Variants in OSBPL9 observed in about 807,000 individuals in gnomAD.
OSBPL9 encodes oxysterol binding protein like 9, also known as oxysterol-binding protein-related protein 9.
Under a neutral mutation model 106.6 loss-of-function variants are expected in OSBPL9, and 40 were observed. The ratio of observed to expected loss-of-function variants is 0.38; its 90% CI spans 0.29 to 0.49. The LOEUF is 0.49. Ranked by LOEUF, OSBPL9 falls within the 20% of genes least tolerant of loss-of-function variation. The pLI, the probability that OSBPL9 is intolerant of heterozygous loss-of-function variation, is 0.97. For missense variants in OSBPL9, 609 were observed against 887.2 expected, an observed-to-expected ratio of 0.69 and a Z score of 3.98; for synonymous variants, 269 against 295.4, an observed-to-expected ratio of 0.91 and a Z score of 0.92.
intron 12 of OSBPL9, 90 bp from the exon 13 acceptor site, chr1:51,771,980 T>C: frequency 1.2e-6 from 1 of 845,552 alleles, no homozygotes; most frequent in Non-Finnish European, 1.9e-6. Context: ...TATATATGCA[T>C]GCATGTAACC....
At chr1:51,594,606 A>G (rs923454459) in intron 1 of OSBPL9, among the ~76,000 whole-genome samples, 2 of 152,132 alleles carry the variant, frequency 1.3e-5, no homozygotes, top group African/African-American at 4.8e-5. Context: ...CACCTTACCT[A>G]ATTTAACACT....
At chr1:51,647,356 A>G (rs4330959) in intron 1 of OSBPL9, among the ~76,000 whole-genome samples, 1,814 of 152,246 alleles carry the variant, frequency 0.012, 37 homozygotes, top group African/African-American at 0.042. Flanking sequence ...GTCCATCTAT[A>G]TTAGAAACAG....
intron 2 of OSBPL9, among the ~76,000 whole-genome samples, chr1:51,610,244 T>TTTG (rs113181959): frequency 0.039 from 5,854 of 150,996 alleles, 149 homozygotes; most frequent in Middle Eastern, 0.099. Context: ...GGAACTGATA[T>TTTG]TTGTTGTTGT....
chr1:51,734,105 C>T (rs1416094140), intron 4 of OSBPL9, among the ~76,000 whole-genome samples: 2 of 152,156 alleles, frequency 1.3e-5, no homozygotes, highest in Non-Finnish European at 2.9e-5. Flanking sequence ...ATATATGTGT[C>T]ATGAATGAAT....
At chr1:51,566,577 T>A in the OSBPL9 span, 4 of 152,328 alleles carry the variant, frequency 2.6e-5, no homozygotes, top group African/African-American at 9.6e-5. Flanking sequence ...CAGTTCCATT[T>A]TGAACATCTT....
chr1:51,650,436 G>T (rs575333601), intron 1 of OSBPL9, among the ~76,000 whole-genome samples: 65 of 152,166 alleles, frequency 4.3e-4, no homozygotes, highest in Non-Finnish European at 4.3e-4. Flanking sequence ...ACAGTAAAAG[G>T]GCGACTAAAT....
chr1:51,659,360 A>G (rs991540635), intron 2 of OSBPL9, among the ~76,000 whole-genome samples: 2 of 152,132 alleles, frequency 1.3e-5, no homozygotes, highest in Non-Finnish European at 2.9e-5. Flanking sequence ...ATTGTGAAAT[A>G]TTTAAGTCTG....
At chr1:51,671,952 T>A (rs1032973535) in intron 3 of OSBPL9, among the ~76,000 whole-genome samples, 3 of 152,216 alleles carry the variant, frequency 2.0e-5, no homozygotes, top group African/African-American at 2.4e-5. Flanking sequence ...TTTTGTAGTT[T>A]ATACTCATAT....
chr1:51,779,013 T>C (rs1675698938), intron 15 of OSBPL9, among the ~76,000 whole-genome samples: 1 of 152,236 alleles, frequency 6.6e-6, no homozygotes, highest in Admixed American at 6.5e-5. Context: ...TGCACTTACA[T>C]GGACTTAATC....
chr1:51,651,055 A>G (rs1359957648), intron 1 of OSBPL9, among the ~76,000 whole-genome samples: 1 of 152,130 alleles, frequency 6.6e-6, no homozygotes, highest in Non-Finnish European at 1.5e-5. Context: ...AGCAATTATA[A>G]CACAGGGTGA....
intron 3 of OSBPL9, chr1:51,707,138 C>T (rs181243696): frequency 1.7e-4 from 64 of 381,466 alleles, no homozygotes; most frequent in South Asian, 2.8e-4. Context: ...TGGGCACTTA[C>T]TCCTTGGAGG....
intron 23 of OSBPL9, 70 bp from the exon 24 acceptor site, chr1:51,787,645 A>G: frequency 6.3e-7 from 1 of 1,592,106 alleles, no homozygotes; most frequent in South Asian, 1.1e-5. Flanking sequence ...GGGAGCAGAT[A>G]TGAAATAGTA....
upstream of OSBPL9, chr1:51,616,950 G>T: frequency 1.4e-6 from 2 of 1,383,818 alleles, no homozygotes; most frequent in Non-Finnish European, 1.9e-6. Context: ...CACAATAGGC[G>T]CCCTAAGAAA....
chr1:51,784,127 G>T (rs1399988915), intron 18 of OSBPL9, 102 bp downstream of exon 18: 2 of 1,388,290 alleles, frequency 1.4e-6, no homozygotes, highest in African/African-American at 1.4e-5. Context: ...GGTATTGGGG[G>T]TGAGAGCAAA....
At chr1:51,766,564 A>G (rs1036431631) in intron 12 of OSBPL9, among the ~76,000 whole-genome samples, 9 of 152,216 alleles carry the variant, frequency 5.9e-5, no homozygotes, top group Non-Finnish European at 1.2e-4. Flanking sequence ...AACAAAATAC[A>G]GTAATCTAGG....
intron 14 of OSBPL9, among the ~76,000 whole-genome samples, chr1:51,776,265 T>C (rs1675053727): frequency 6.6e-6 from 1 of 152,186 alleles, no homozygotes; most frequent in Non-Finnish European, 1.5e-5. Flanking sequence ...TTGTAGGTGC[T>C]CATCATGTAT....
chr1:51,526,579 T>C, the OSBPL9 span, among the ~76,000 whole-genome samples: 1 of 152,224 alleles, frequency 6.6e-6, no homozygotes, highest in Middle Eastern at 3.4e-3. Context: ...GTTTATGTCA[T>C]TGGGGAAAGT....
the OSBPL9 span, among the ~76,000 whole-genome samples, chr1:51,539,345 A>T: frequency 6.6e-6 from 1 of 152,130 alleles, no homozygotes; most frequent in Non-Finnish European, 1.5e-5. Context: ...GTCCATCTGC[A>T]AAATATGAAA....
intron 1 of OSBPL9, among the ~76,000 whole-genome samples, chr1:51,644,473 G>A (rs749536491): frequency 2.0e-5 from 3 of 152,092 alleles, no homozygotes; most frequent in East Asian, 1.9e-4. Flanking sequence ...GATTACAGGC[G>A]TGTGCCACCA....
Sources: gnomAD v4.1 joint callset for allele counts (sites outside exome capture counted in the v4.1 genomes callset) on GRCh38, gnomAD v4.1.1 for gene constraint, MANE v1.5 for transcripts, NCBI Gene and HGNC (gene_info 2026-07-23, HGNC 2026-07-21) for gene names.